MACROD1: variants seen among roughly 807,000 people sequenced by gnomAD.
The protein encoded by MACROD1 is mono-ADP ribosylhydrolase 1.
Under a neutral mutation model 41.4 loss-of-function variants are expected in MACROD1, and 31 were observed. The observed-to-expected ratio is 0.75, with a 90% CI of 0.56 to 1.01. The LOEUF (loss-of-function observed/expected upper bound fraction) is 1.01. MACROD1 is among the 50% of genes least tolerant of loss of function. MACROD1 has a pLI of 0.00. For missense variants in MACROD1, 473 were observed against 460.0 expected (o/e 1.03, Z -0.26); for synonymous variants, 252 against 203.4 (o/e 1.24, Z -2.03).
chr11:64,151,006 G>C (rs1307067528), intron 3 of MACROD1, among the ~76,000 whole-genome samples: 1 of 152,148 alleles, frequency 6.6e-6, no homozygotes, highest in Non-Finnish European at 1.5e-5. Context: ...CCCTTCCCCG[G>C]CCACTAATGG....
chr11:64,003,896 T>C (rs116009967), intron 4 of MACROD1, among the ~76,000 whole-genome samples: 2,804 of 152,300 alleles, frequency 0.018, 88 homozygotes, highest in African/African-American at 0.064. Context: ...TTGCACAGTG[T>C]TCTGAGGCCA....
At chr11:64,074,580 G>A (rs1475448690) in intron 3 of MACROD1, among the ~76,000 whole-genome samples, 2 of 152,158 alleles carry the variant, frequency 1.3e-5, no homozygotes, top group African/African-American at 2.4e-5. Context: ...CCATGTCCCC[G>A]CAGGCCCTCC....
intron 3 of MACROD1, among the ~76,000 whole-genome samples, chr11:64,031,820 A>C (rs1340601961): frequency 6.6e-6 from 1 of 152,220 alleles, no homozygotes; most frequent in East Asian, 1.9e-4. Flanking sequence ...GTGTCCCTGA[A>C]GTGGCATGCA....
intron 3 of MACROD1, among the ~76,000 whole-genome samples, chr11:64,108,443 T>C (rs763331107): frequency 3.3e-5 from 5 of 151,972 alleles, no homozygotes; most frequent in Non-Finnish European, 7.4e-5. Flanking sequence ...GGAGGGGAGC[T>C]CTCCCTGGGT....
chr11:64,092,804 G>C (rs1162295005), intron 3 of MACROD1, among the ~76,000 whole-genome samples: 2 of 152,246 alleles, frequency 1.3e-5, no homozygotes, highest in Non-Finnish European at 2.9e-5. Context: ...ATCTCCCCAA[G>C]CATGGTTTGA....
At chr11:64,001,260 C>A in intron 4 of MACROD1, 1 of 610,980 alleles carries the variant, frequency 1.6e-6, no homozygotes, top group African/African-American at 1.8e-5. Flanking sequence ...TGCCCCTTCC[C>A]CTCTCTGGCG....
chr11:64,158,007 C>T (rs1247847574), intron 1 of MACROD1, among the ~76,000 whole-genome samples: 1 of 152,184 alleles, frequency 6.6e-6, no homozygotes, highest in Non-Finnish European at 1.5e-5. Flanking sequence ...CTGCCCACAC[C>T]AGGGCATTGG....
intron 4 of MACROD1, chr11:64,009,087 A>C (rs1942960993): frequency 6.6e-6 from 1 of 152,168 alleles, no homozygotes; most frequent in Admixed American, 6.6e-5. Context: ...ATTGAAAAAG[A>C]GCGCACAAAT....
At chr11:64,125,650 C>T (rs549111487) in intron 3 of MACROD1, among the ~76,000 whole-genome samples, 1 of 152,324 alleles carries the variant, frequency 6.6e-6, no homozygotes, top group South Asian at 2.1e-4. Flanking sequence ...CTTGGATCCA[C>T]GTGTTGCCAG....
At chr11:64,021,271 G>A (rs188957421) in intron 3 of MACROD1, among the ~76,000 whole-genome samples, 328 of 152,340 alleles carry the variant, frequency 2.2e-3, no homozygotes, top group African/African-American at 7.3e-3. Flanking sequence ...TGGGAGGCAG[G>A]ACCTGGGCCG....
chr11:64,137,604 A>G (rs1945350042), intron 3 of MACROD1, among the ~76,000 whole-genome samples: 1 of 152,186 alleles, frequency 6.6e-6, no homozygotes, highest in Non-Finnish European at 1.5e-5. Flanking sequence ...GGGCCGGGTC[A>G]GGAGAGGATA....
chr11:64,149,894 T>G (rs967159234), intron 3 of MACROD1, among the ~76,000 whole-genome samples: 1 of 152,238 alleles, frequency 6.6e-6, no homozygotes, highest in Non-Finnish European at 1.5e-5. Flanking sequence ...CTTAGCTGTG[T>G]GTCCTCAGAT....
chr11:64,152,171 A>C, intron 2 of MACROD1, 121 bp downstream of exon 2: 1 of 741,410 alleles, frequency 1.3e-6, no homozygotes, highest in East Asian at 2.5e-5. Context: ...ATACACGCGG[A>C]GCACCTGCCT....
chr11:64,077,950 G>GC (rs1944233851), intron 3 of MACROD1, among the ~76,000 whole-genome samples: 1 of 152,208 alleles, frequency 6.6e-6, no homozygotes, highest in Non-Finnish European at 1.5e-5. Flanking sequence ...GCCCTGATGG[G>GC]CCCGTGCTCA....
chr11:64,033,963 G>A (rs1345879495), intron 3 of MACROD1, among the ~76,000 whole-genome samples: 4 of 152,184 alleles, frequency 2.6e-5, no homozygotes, highest in Non-Finnish European at 5.9e-5. Context: ...CACCATGGCT[G>A]GCTCGAAGAT....
chr11:64,052,052 T>C (rs1004030776), intron 3 of MACROD1, among the ~76,000 whole-genome samples: 3 of 151,780 alleles, frequency 2.0e-5, no homozygotes, highest in Admixed American at 6.6e-5. Flanking sequence ...GGGGGCATTT[T>C]GGGAAGGAGG....
Position 63,998,616 on chromosome 11 carries a change from G to GTGGCCAGGCCC in MACROD1, c.*91_*101dup. 1 of 1,284,620 alleles carries GTGGCCAGGCCC rather than the reference G, an allele frequency of 7.8e-7. No individual in the cohort carries two copies. Among genetic ancestry groups the GTGGCCAGGCCC allele is most frequent in the East Asian group, 3.0e-5 (1 of 32,954 alleles). 79.6% of individuals were successfully genotyped at this position (1,284,620 alleles called of 1,614,324 possible). A position where few individuals can be genotyped will look rare whatever the true frequency, so the allele number is the denominator to read the frequency against. On this transcript the variant is annotated 3_prime_UTR_variant, in exon 11 of 11. Transcript: ENST00000255681. ...GGCGGGGCGCGGAGGGAAAGAAGGG[G>GTGGCCAGGCCC]TGGCCAGGCCCAGGCCAGGCTGCAG...
intron 3 of MACROD1, among the ~76,000 whole-genome samples, chr11:64,050,679 C>T (rs952774984): frequency 1.3e-5 from 2 of 152,202 alleles, no homozygotes; most frequent in East Asian, 1.9e-4. Flanking sequence ...AGTGCAGTGG[C>T]GCGATCATGG....
At chr11:64,149,073 G>A in intron 3 of MACROD1, 1 of 973,902 alleles carries the variant, frequency 1.0e-6, no homozygotes, top group Non-Finnish European at 1.2e-6. Context: ...ACCAAGAGGT[G>A]TATGGGTAAA....
Sources: allele counts gnomAD v4.1 joint callset (sites outside exome capture counted in the v4.1 genomes callset), GRCh38; gene constraint gnomAD v4.1.1; transcripts MANE v1.5; gene names NCBI Gene and HGNC (gene_info 2026-07-23, HGNC 2026-07-21).